Variants in DPYD observed in about 807,000 individuals in gnomAD.
DPYD encodes the protein dihydropyrimidine dehydrogenase [NADP(+)].
DPYD carries 109 observed loss-of-function variants against 116.2 expected under a neutral mutation model. That is an observed-to-expected ratio of 0.94 (90% CI 0.80 to 1.10). DPYD has a LOEUF of 1.10. Ranked by LOEUF, DPYD falls within the 50% of genes least tolerant of loss-of-function variation. DPYD has a pLI of 0.00. For missense variants in DPYD, 1,302 were observed against 1,254.5 expected, an observed-to-expected ratio of 1.04 and a Z score of -0.57; for synonymous variants, 440 against 432.0, an observed-to-expected ratio of 1.02 and a Z score of -0.23.
intron 16 of DPYD, among the ~76,000 whole-genome samples, chr1:97,361,321 C>T (rs1274498776): frequency 6.6e-6 from 1 of 151,962 alleles, no homozygotes; most frequent in Non-Finnish European, 1.5e-5. Flanking sequence ...AATAGCCTAC[C>T]AACCAAAAAA....
intron 20 of DPYD, among the ~76,000 whole-genome samples, chr1:97,111,088 C>T (rs1339997148): frequency 6.6e-6 from 1 of 152,046 alleles, no homozygotes; most frequent in Non-Finnish European, 1.5e-5. Flanking sequence ...GTAGTACATA[C>T]ACCCCAAATC....
chr1:97,278,201 A>C (rs1377151900), intron 18 of DPYD, among the ~76,000 whole-genome samples: 1 of 152,228 alleles, frequency 6.6e-6, no homozygotes, highest in Admixed American at 6.5e-5. Flanking sequence ...TGTCTTGAGC[A>C]ATACCTAACT....
chr1:97,178,608 T>G (rs1657450526), intron 20 of DPYD, among the ~76,000 whole-genome samples: 3 of 152,232 alleles, frequency 2.0e-5, no homozygotes, highest in African/African-American at 2.4e-5. Flanking sequence ...ATAGGGATTT[T>G]GGGGATTACA....
chr1:97,814,573 A>G (rs1413521542), intron 3 of DPYD, among the ~76,000 whole-genome samples: 1 of 152,164 alleles, frequency 6.6e-6, no homozygotes, highest in African/African-American at 2.4e-5. Flanking sequence ...CATGTGAGAG[A>G]GAAAATTTTT....
intron 3 of DPYD, among the ~76,000 whole-genome samples, chr1:97,819,868 G>A (rs1362668070): frequency 3.3e-5 from 5 of 151,970 alleles, no homozygotes; most frequent in African/African-American, 9.7e-5. Context: ...CTGCAAAGAG[G>A]AGATTTTATA....
intron 1 of DPYD, among the ~76,000 whole-genome samples, chr1:97,917,128 G>T (rs2101719786): frequency 6.6e-6 from 1 of 152,258 alleles, no homozygotes; most frequent in Non-Finnish European, 1.5e-5. Flanking sequence ...ATTTATTTAA[G>T]AATATATTTC....
intron 8 of DPYD, among the ~76,000 whole-genome samples, chr1:97,600,636 C>T (rs926840701): frequency 6.6e-6 from 1 of 152,144 alleles, no homozygotes; most frequent in Non-Finnish European, 1.5e-5. Context: ...TGGGCAACAG[C>T]TTCCTCATCA....
chr1:97,812,260 C>T (rs1467891520), intron 3 of DPYD, among the ~76,000 whole-genome samples: 1 of 152,152 alleles, frequency 6.6e-6, no homozygotes, highest in African/African-American at 2.4e-5. Flanking sequence ...CATTCTTATA[C>T]CTTAGCACCC....
intron 1 of DPYD, among the ~76,000 whole-genome samples, chr1:97,903,695 T>C (rs555078352): frequency 6.6e-6 from 1 of 152,052 alleles, no homozygotes; most frequent in East Asian, 1.9e-4. Flanking sequence ...GTTTGGTAAT[T>C]TTAAATTACT....
chr1:97,697,404 A>T (rs1661367374), intron 6 of DPYD, among the ~76,000 whole-genome samples: 1 of 152,072 alleles, frequency 6.6e-6, no homozygotes, highest in Non-Finnish European at 1.5e-5. Context: ...TTTTTTAGCC[A>T]CTTTCAAGAT....
chr1:97,426,736 A>G (rs1329926240), intron 14 of DPYD, among the ~76,000 whole-genome samples: 1 of 152,102 alleles, frequency 6.6e-6, no homozygotes, highest in Non-Finnish European at 1.5e-5. Flanking sequence ...GTAAAGGCAA[A>G]GAGGTAGATA....
At chr1:97,173,571 A>G (rs914976184) in intron 20 of DPYD, among the ~76,000 whole-genome samples, 6 of 151,000 alleles carry the variant, frequency 4.0e-5, no homozygotes, top group Non-Finnish European at 8.9e-5. Context: ...TTTTTTAACA[A>G]TTGATCATCA....
At chr1:97,090,300 G>T (rs1202416822) in intron 21 of DPYD, among the ~76,000 whole-genome samples, 1 of 152,062 alleles carries the variant, frequency 6.6e-6, no homozygotes, top group Non-Finnish European at 1.5e-5. Flanking sequence ...GTGCTTAAGG[G>T]CCCAAGGTTT....
intron 16 of DPYD, among the ~76,000 whole-genome samples, chr1:97,359,951 C>T (rs2101409763): frequency 6.6e-6 from 1 of 152,274 alleles, no homozygotes; most frequent in South Asian, 2.1e-4. Context: ...CAAATTCACA[C>T]ATAACAATAT....
chr1:97,351,862 T>C (rs1445297973), intron 16 of DPYD, among the ~76,000 whole-genome samples: 1 of 152,096 alleles, frequency 6.6e-6, no homozygotes, highest in Non-Finnish European at 1.5e-5. Flanking sequence ...CTCAATACCG[T>C]AAAAGAAGAA....
chr1:97,146,144 T>C (rs1654614092), intron 20 of DPYD, among the ~76,000 whole-genome samples: 1 of 152,202 alleles, frequency 6.6e-6, no homozygotes, highest in African/African-American at 2.4e-5. Flanking sequence ...ATTTGCTTTT[T>C]AGATGAACCT....
intron 2 of DPYD, among the ~76,000 whole-genome samples, chr1:97,881,229 T>C (rs1242946194): frequency 1.3e-5 from 2 of 151,998 alleles, no homozygotes; most frequent in Non-Finnish European, 2.9e-5. Flanking sequence ...TATTAGGGTA[T>C]GTCCTAATCC....
chr1:97,206,417 G>C (rs1659605370), intron 19 of DPYD, among the ~76,000 whole-genome samples: 1 of 151,220 alleles, frequency 6.6e-6, no homozygotes, highest in African/African-American at 2.4e-5. Context: ...TAGCACCTTG[G>C]GTAAGTATTA....
intron 14 of DPYD, among the ~76,000 whole-genome samples, chr1:97,415,295 C>T (rs958767454): frequency 6.6e-6 from 1 of 152,146 alleles, no homozygotes; most frequent in Non-Finnish European, 1.5e-5. Flanking sequence ...GGATCTTTTT[C>T]ACAATCTCCA....
Sources: allele counts gnomAD v4.1 joint callset (sites outside exome capture counted in the v4.1 genomes callset), GRCh38; gene constraint gnomAD v4.1.1; transcripts MANE v1.5; gene names NCBI Gene and HGNC (gene_info 2026-07-23, HGNC 2026-07-21).